The following TRAF5 variants were observed in gnomAD, a reference collection of about 807,000 sequenced individuals.
The protein encoded by TRAF5 is TNF receptor-associated factor 5.
In TRAF5, 48 loss-of-function variants were observed where a neutral mutation model predicts 64.5. The ratio of observed to expected loss-of-function variants is 0.74; its 90% CI spans 0.59 to 0.95. The LOEUF (loss-of-function observed/expected upper bound fraction) is 0.95, where lower values mean the gene tolerates loss of function less well. TRAF5 is among the 40% of genes least tolerant of loss of function. The pLI is 0.00. For missense variants in TRAF5, 545 were observed against 662.8 expected, an observed-to-expected ratio of 0.82 and a Z score of 1.95; for synonymous variants, 206 against 240.5, an observed-to-expected ratio of 0.86 and a Z score of 1.33.
At chr1:211,357,843 A>G (rs1256219449) in intron 4 of TRAF5, 4 of 152,144 alleles carry the variant, frequency 2.6e-5, no homozygotes, top group Admixed American at 1.3e-4. Flanking sequence ...GAGTCAAACA[A>G]TAATAATAAT....
intron 4 of TRAF5, 75 bp downstream of exon 4, chr1:211,356,543 G>A: frequency 7.9e-7 from 1 of 1,273,402 alleles, no homozygotes; most frequent in Non-Finnish European, 1.1e-6. Flanking sequence ...TTATGTGACA[G>A]TTACTGAGCT....
rs553365615 is a variant in TRAF5 at position 211,348,398 on chromosome 1, G to A, written c.-1-4841G>A. 7.2e-5 allele frequency among the ~76,000 whole-genome samples: 11 copies of A among 151,958 alleles called. No homozygotes were observed. The East Asian group carries it at 9.6e-4, about 13-fold the overall frequency. On this transcript the variant is annotated intron_variant, in intron 1 of 10. Coordinates refer to ENST00000261464, the MANE Select transcript of TRAF5 (RefSeq NM_001033910.3). ...GTAAATATGAATAGATATAATTTGC[G>A]TAAACAAAAACTCTTAGGGGTCCTC...
At chr1:211,367,272 G>C (rs1558147913) in intron 8 of TRAF5, among the ~76,000 whole-genome samples, 2 of 152,166 alleles carry the variant, frequency 1.3e-5, no homozygotes, top group Non-Finnish European at 2.9e-5. Flanking sequence ...TTTAAAGCAA[G>C]ACAGTTGGTA....
At chr1:211,363,848 T>C (rs1703261963) in intron 7 of TRAF5, among the ~76,000 whole-genome samples, 1 of 148,580 alleles carries the variant, frequency 6.7e-6, no homozygotes, top group Admixed American at 6.8e-5. Context: ...GAGGCAGAGA[T>C]TGCAGTGAGC....
rs768478761 is a variant in TRAF5, at chr1:211,372,322, T to C, written c.1294T>C (p.Ser432Pro). The C allele has an allele frequency of 1.9e-6, 3 of 1,614,108 alleles. No homozygotes were observed. Among genetic ancestry groups the C allele is most frequent in the Non-Finnish European group, 2.5e-6 (3 of 1,180,008 alleles). ...DGHTVSIFSQ[S>P]FYTSRCGYRL... The stretch of plus-strand genomic sequence containing the variant: ...GCACACAGTGTCCATCTTCAGCCAG[T>C]CCTTCTACACCAGCCGCTGTGGCTA... Residue 432 changes from serine (S) to proline (P), a missense_variant, in exon 11 of 11, where the codon TCC becomes CCC. Coordinates refer to ENST00000261464, the MANE Select transcript of TRAF5 (RefSeq NM_001033910.3).
intron 1 of TRAF5, among the ~76,000 whole-genome samples, chr1:211,327,241 G>A (rs1030745326): frequency 6.6e-6 from 1 of 152,178 alleles, no homozygotes; most frequent in Non-Finnish European, 1.5e-5. Context: ...GAGGGGCCAG[G>A]TTCCGTCGGG....
intron 2 of TRAF5, 65 bp from the exon 3 acceptor site, chr1:211,354,345 C>A: frequency 6.6e-7 from 1 of 1,511,266 alleles, no homozygotes. Flanking sequence ...AGCCCTGGGG[C>A]TGGTCTTGGA....
At chr1:211,350,945 A>G (rs960130573) in intron 1 of TRAF5, among the ~76,000 whole-genome samples, 2 of 151,998 alleles carry the variant, frequency 1.3e-5, no homozygotes, top group African/African-American at 4.8e-5. Flanking sequence ...TCCTAGGTTC[A>G]AGCCATCTTC....
intron 7 of TRAF5, 59 bp from the exon 8 acceptor site, chr1:211,365,317 A>C: frequency 7.3e-7 from 1 of 1,378,624 alleles, no homozygotes; most frequent in Admixed American, 1.8e-5. Flanking sequence ...ATATCCTACC[A>C]CCTCTTTCAT....
chr1:211,352,299 T>A (rs1400003530), intron 1 of TRAF5, among the ~76,000 whole-genome samples: 2 of 151,742 alleles, frequency 1.3e-5, no homozygotes, highest in Admixed American at 1.3e-4. Context: ...TATAAAGCCA[T>A]CAGATCTCAT....
At position 211,326,833 on chromosome 1, in the gene TRAF5, A is replaced by G. The variant is rs1285287470; in HGVS notation, c.-58A>G. ...TTCGCCGCCGCCGCCGGCCGCAGCC[A>G]GGAGCAGCAGCCGCGCCTGCAGACC... On this transcript the variant is annotated 5_prime_UTR_variant, in exon 1 of 11. Coordinates refer to ENST00000261464, the MANE Select transcript of TRAF5 (RefSeq NM_001033910.3). This position sits in a 1 kb window ranked among gnomAD's most constrained non-coding sequence, Gnocchi z 5.0. The G allele has an allele frequency of 3.0e-6, 3 of 984,298 alleles. No homozygotes were observed. Among genetic ancestry groups the G allele is most frequent in the Non-Finnish European group, 3.6e-6 (3 of 829,442 alleles). 61.0% of individuals were successfully genotyped at this position (984,298 alleles called of 1,614,324 possible).
At chr1:211,356,717 T>G in intron 4 of TRAF5, 1 of 348,502 alleles carries the variant, frequency 2.9e-6, no homozygotes, top group Non-Finnish European at 5.3e-6. Flanking sequence ...CTTAATTGTG[T>G]GGTAGGGATC....
intron 1 of TRAF5, among the ~76,000 whole-genome samples, chr1:211,330,843 G>A (rs527819233): frequency 2.5e-4 from 38 of 152,278 alleles, no homozygotes; most frequent in African/African-American, 9.1e-4. Context: ...GGCCAAGGCT[G>A]GGTCCTCAGG....
At chr1:211,328,382 ACAGAGG>A (rs1006622597) in intron 1 of TRAF5, among the ~76,000 whole-genome samples, 2 of 152,320 alleles carry the variant, frequency 1.3e-5, no homozygotes, top group African/African-American at 4.8e-5. Context: ...TGGCTCCTGG[ACAGAGG>A]CAGGAGAAAG....
intron 1 of TRAF5, among the ~76,000 whole-genome samples, chr1:211,328,531 G>GCT (rs1296330739): frequency 2.0e-5 from 3 of 152,148 alleles, no homozygotes; most frequent in African/African-American, 4.8e-5. Flanking sequence ...CAAGCCCGCT[G>GCT]GACTTGGGTA....
intron 1 of TRAF5, among the ~76,000 whole-genome samples, chr1:211,333,699 CG>C (rs1434267479): frequency 6.6e-6 from 1 of 151,554 alleles, no homozygotes; most frequent in Non-Finnish European, 1.5e-5. Flanking sequence ...GGTTTCACCA[CG>C]TTAGCCAGGC....
At chr1:211,343,193 G>A (rs1017737638) in intron 1 of TRAF5, among the ~76,000 whole-genome samples, 4 of 152,094 alleles carry the variant, frequency 2.6e-5, no homozygotes, top group African/African-American at 4.8e-5. Flanking sequence ...GAAACATAGC[G>A]ACTAAGTAAT....
At chr1:211,346,280 T>G in intron 1 of TRAF5, 1 of 786,778 alleles carries the variant, frequency 1.3e-6, no homozygotes, top group African/African-American at 1.9e-5. Flanking sequence ...ATCATTTTTG[T>G]GCCTTATTTC....
chr1:211,361,724 A>T (rs1703190467), intron 7 of TRAF5, among the ~76,000 whole-genome samples: 1 of 110,670 alleles, frequency 9.0e-6, no homozygotes, highest in Non-Finnish European at 1.7e-5. Context: ...TTTGAGACAG[A>T]GTCTTGCTCT....
Sources: allele counts gnomAD v4.1 joint callset (sites outside exome capture counted in the v4.1 genomes callset), GRCh38; gene constraint gnomAD v4.1.1; non-coding constraint Gnocchi (gnomAD v3.1); transcripts MANE v1.5; gene names NCBI Gene and HGNC (gene_info 2026-07-23, HGNC 2026-07-21).